The following FGD1 variants were observed in gnomAD, a reference collection of about 807,000 sequenced individuals.
The protein encoded by FGD1 is FYVE, RhoGEF and PH domain-containing protein 1.
A neutral mutation model predicts 65.0 loss-of-function variants in FGD1; 12 were observed. The observed-to-expected ratio is 0.18, with a 90% CI of 0.12 to 0.30. The LOEUF (loss-of-function observed/expected upper bound fraction) is 0.30. Ranked by LOEUF, FGD1 falls within the 10% of genes least tolerant of loss-of-function variation. The pLI, the probability that FGD1 is intolerant of heterozygous loss-of-function variation, is 1.00. For synonymous variants in FGD1, 333 were observed against 343.9 expected, an observed-to-expected ratio of 0.97 and a Z score of 0.35; for missense variants, 542 against 837.6, an observed-to-expected ratio of 0.65 and a Z score of 4.36.
intron 4 of FGD1, 30 bp from the exon 5 acceptor site, chrX:54,468,906 C>A: frequency 9.4e-7 from 1 of 1,067,833 alleles, no homozygotes; most frequent in Non-Finnish European, 1.3e-6. Flanking sequence ...ACCCCTGATC[C>A]ATCATCCTCT....
At chrX:54,485,746 C>T (rs1923256379) in intron 1 of FGD1, among the ~76,000 whole-genome samples, 3 of 109,543 alleles carry the variant, frequency 2.7e-5, no homozygotes, top group Non-Finnish European at 5.7e-5. Context: ...GCTAGGATTA[C>T]AGGTGTGAGG....
chrX:54,446,651 G>T (rs1403846126), intron 17 of FGD1, among the ~76,000 whole-genome samples: 1 of 100,027 alleles, frequency 1.0e-5, no homozygotes, highest in Admixed American at 1.1e-4. Context: ...CAAAACTGCT[G>T]GGCTAGTCTC....
intron 1 of FGD1, 86 bp downstream of exon 1, chrX:54,495,040 G>A (rs974947252): frequency 2.0e-6 from 2 of 1,005,014 alleles, no homozygotes; most frequent in African/African-American, 1.9e-5. Flanking sequence ...TTCCGAGGTG[G>A]GGCTTAGAGG....
chrX:54,464,806 G>T (rs1922725172), intron 8 of FGD1, among the ~76,000 whole-genome samples: 1 of 110,597 alleles, frequency 9.0e-6, no homozygotes, highest in South Asian at 3.9e-4. Context: ...CCAGTCTAGG[G>T]TGCTCAATTT....
chrX:54,485,652 G>T (rs1432163628), intron 1 of FGD1, among the ~76,000 whole-genome samples: 1 of 110,964 alleles, frequency 9.0e-6, no homozygotes, highest in African/African-American at 3.3e-5. Flanking sequence ...AATATTTTTT[G>T]TAGAGACGGG....
intron 8 of FGD1, among the ~76,000 whole-genome samples, chrX:54,461,026 A>G (rs1007125253): frequency 2.7e-5 from 3 of 111,827 alleles, no homozygotes; most frequent in Non-Finnish European, 5.6e-5. Context: ...GCCCAAGGAT[A>G]TACAGTTGAG....
intron 1 of FGD1, among the ~76,000 whole-genome samples, chrX:54,492,147 A>C (rs764066529): frequency 9.0e-6 from 1 of 111,683 alleles, no homozygotes; most frequent in East Asian, 2.8e-4. Context: ...TGATCCAACA[A>C]GGACTTCGGT....
chrX:54,487,692 A>G (rs1923309387), intron 1 of FGD1, among the ~76,000 whole-genome samples: 2 of 112,348 alleles, frequency 1.8e-5, no homozygotes, highest in Non-Finnish European at 3.8e-5. Flanking sequence ...GCTCAAGCTT[A>G]TAATCCCAGC....
At chrX:54,450,198 G>A (rs941558187) in intron 13 of FGD1, 73 bp downstream of exon 13, 14 of 1,022,902 alleles carry the variant, frequency 1.4e-5, no homozygotes, top group Non-Finnish European at 1.9e-5. Context: ...TGAGTTTTGA[G>A]GGAGAATCTA....
Position 54,449,346 on chromosome X carries a change from C to T in FGD1, c.2149-78G>A, listed in dbSNP as rs370224483. The T allele has an allele frequency of 1.4e-4, 159 of 1,146,656 alleles. No individual in the cohort carries two copies. The East Asian group carries it at 1.7e-3, about 12-fold the overall frequency. 94.5% of individuals were successfully genotyped at this position (1,146,656 alleles called of 1,213,427 possible). ...CAGCCAGCCCTTGTTCCTGCTCCAACGCTTGGATTATCATGGGGTGGGGAT... is the reference window on the plus strand; with the variant it reads ...CAGCCAGCCCTTGTTCCTGCTCCAATGCTTGGATTATCATGGGGTGGGGAT... On this transcript the variant is annotated intron_variant, in intron 14 of 17. Coordinates refer to ENST00000375135, the MANE Select transcript of FGD1 (RefSeq NM_004463.3).
At chrX:54,464,061 G>A (rs764654428) in intron 8 of FGD1, among the ~76,000 whole-genome samples, 37 of 108,237 alleles carry the variant, frequency 3.4e-4, no homozygotes, top group Non-Finnish European at 1.7e-4. Context: ...TCCCGAGTTC[G>A]AGTGATTCTC....
chrX:54,482,236 G>GCGCACACACACA (rs796491256), intron 1 of FGD1, among the ~76,000 whole-genome samples: 1,613 of 99,366 alleles, frequency 0.016, 38 homozygotes, highest in African/African-American at 0.053. Context: ...GCACACGCGC[G>GCGCACACACACA]CACACACACA....
chrX:54,475,469 C>T (rs765332828), intron 1 of FGD1, among the ~76,000 whole-genome samples: 30 of 108,713 alleles, frequency 2.8e-4, no homozygotes, highest in African/African-American at 1.1e-3. Flanking sequence ...AGGGACACCC[C>T]TCAACCCTGT....
Position 54,474,674 on chromosome X carries a change from C to G in FGD1, c.308-3187G>C, listed in dbSNP as rs1005638506. ...TGGCCTGGTCTTGCCCTGCCCTCCC[C>G]CTGGGCGTGGGGGTGAGGAAGATGA... On this transcript the variant is annotated intron_variant, in intron 1 of 17. Transcript: ENST00000375135. 5.9e-4 allele frequency among the ~76,000 whole-genome samples: 67 copies of G among 113,037 alleles called. 1 individual carries two copies. Among genetic ancestry groups the G allele is most frequent in the Non-Finnish European group, 1.1e-4 (6 of 53,304 alleles).
In FGD1 at chrX:54,447,232, TC is replaced by T. The variant is rs768576582; in HGVS notation, c.2580+78del. 2,172 of 1,097,240 alleles carry T rather than the reference TC, an allele frequency of 2.0e-3. 3 individuals carry two copies. Among genetic ancestry groups the T allele is most frequent in the Non-Finnish European group, 2.5e-3 (2,017 of 794,710 alleles). 90.4% of individuals were successfully genotyped at this position (1,097,240 alleles called of 1,213,427 possible). A position where few individuals can be genotyped will look rare whatever the true frequency, so the allele number is the denominator to read the frequency against. ...TTATCTTCCAAGGCTCACCTTATCT[TC>T]CAAGGCCAAGGAGAGGTCAAGGACT... is the stretch of plus-strand genomic sequence containing the variant. On this transcript the variant is annotated intron_variant, in intron 17 of 17. Coordinates refer to ENST00000375135, the MANE Select transcript of FGD1 (RefSeq NM_004463.3).
intron 12 of FGD1, among the ~76,000 whole-genome samples, chrX:54,451,486 T>G (rs780877644): frequency 4.2e-4 from 46 of 109,426 alleles, no homozygotes; most frequent in African/African-American, 1.4e-3. Context: ...GGTTTTGCCA[T>G]GTTGGCCAGG....
intron 1 of FGD1, among the ~76,000 whole-genome samples, chrX:54,486,091 T>G (rs759740255): frequency 2.3e-3 from 248 of 108,123 alleles, no homozygotes; most frequent in African/African-American, 7.8e-3. Context: ...TTATTTTATT[T>G]ATTTTATTTT....
intron 8 of FGD1, among the ~76,000 whole-genome samples, chrX:54,460,682 A>G (rs1259505449): frequency 2.7e-5 from 3 of 112,355 alleles, no homozygotes; most frequent in Non-Finnish European, 3.8e-5. Context: ...CAGAGATTGC[A>G]GTGAGCGGAG....
At position 54,468,802 on chromosome X, in the gene FGD1, G is replaced by A. The variant is rs761963741; in HGVS notation, c.1176C>T (p.Leu392=). 1.7e-6 allele frequency: 2 copies of A among 1,205,445 alleles called. No homozygotes were observed. Among genetic ancestry groups the A allele is most frequent in the Non-Finnish European group, 2.2e-6 (2 of 890,704 alleles). Residue 392 remains leucine (L), a synonymous_variant, in exon 5 of 18, where the codon CTC becomes CTT. Coordinates refer to ENST00000375135, the MANE Select transcript of FGD1 (RefSeq NM_004463.3). ...GGCCACTCACCTGATCCAGGAGATG[G>A]AGCCTGGAAACGTAGGCCTTCTCAG... The part of the protein sequence containing the change: ...LQTEKAYVSR[L]HLLDQVFCAR...
Sources: gnomAD v4.1 joint callset for allele counts (sites outside exome capture counted in the v4.1 genomes callset) on GRCh38, gnomAD v4.1.1 for gene constraint, MANE v1.5 for transcripts, NCBI Gene and HGNC (gene_info 2026-07-23, HGNC 2026-07-21) for gene names.